CSMD1: variants seen among roughly 807,000 people sequenced by gnomAD.
CSMD1 encodes CUB and sushi domain-containing protein 1.
A neutral mutation model predicts 417.5 loss-of-function variants in CSMD1; 213 were observed. That is an observed-to-expected ratio of 0.51 (90% CI 0.46 to 0.57). CSMD1 has a LOEUF of 0.57. Ranked by LOEUF, CSMD1 falls within the 20% of genes least tolerant of loss-of-function variation. The probability of loss-of-function intolerance (pLI) is 0.00; values close to 1 mark genes in which losing one functional copy is unlikely to be tolerated. For missense variants in CSMD1, 6,923 were observed against 4,529.7 expected (o/e 1.53, Z -15.17); for synonymous variants, 2,862 against 1,736.8 (o/e 1.65, Z -16.11).
At chr8:3,757,839 G>C (rs539876018) in intron 5 of CSMD1, among the ~76,000 whole-genome samples, 27 of 138,964 alleles carry the variant, frequency 1.9e-4, no homozygotes, top group African/African-American at 7.2e-4. Context: ...AAAAGAGCGA[G>C]ACTTCATCTC....
At chr8:4,115,139 A>G (rs1349835270) in intron 3 of CSMD1, among the ~76,000 whole-genome samples, 1 of 152,330 alleles carries the variant, frequency 6.6e-6, no homozygotes, top group East Asian at 1.9e-4. Flanking sequence ...TAGATGAGGC[A>G]AAATATCAAT....
In CSMD1 at chr8:3,753,946, A is replaced by G; in HGVS notation, c.915T>C (p.Phe305=). ...TSDSNHRRKG[F]NAQFQVKKAI... ...CATCCTTACCTTGGAACTGAGCGTT[A>G]AATCCTTTGCGTCGGTGGTTGCTGT... is the stretch of plus-strand genomic sequence containing the variant. Residue 305 remains phenylalanine (F), a synonymous_variant, in exon 6 of 70, where the codon TTT becomes TTC. Coordinates refer to ENST00000635120, the MANE Select transcript of CSMD1 (RefSeq NM_033225.6). The G allele has an allele frequency of 6.2e-7, 1 of 1,611,220 alleles. No homozygotes were observed. The highest frequency in any genetic ancestry group is 1.3e-5 in the African/African-American group (1 of 74,886).
intron 2 of CSMD1, among the ~76,000 whole-genome samples, chr8:4,464,550 G>C (rs1169939049): frequency 1.3e-5 from 2 of 152,114 alleles, no homozygotes; most frequent in African/African-American, 4.8e-5. Flanking sequence ...AAAGTGAAAA[G>C]CAGAATGGTC....
chr8:4,331,225 G>A (rs774556489), intron 3 of CSMD1, among the ~76,000 whole-genome samples: 1 of 152,090 alleles, frequency 6.6e-6, no homozygotes, highest in Non-Finnish European at 1.5e-5. Context: ...CCTCCCAGGT[G>A]AGTCCCTGTG....
intron 5 of CSMD1, among the ~76,000 whole-genome samples, chr8:3,792,287 G>T (rs981743022): frequency 6.6e-6 from 1 of 151,654 alleles, no homozygotes; most frequent in African/African-American, 2.4e-5. Flanking sequence ...AGAGAGACCT[G>T]GTCTCAAAAA....
chr8:4,240,523 C>A (rs890963845), intron 3 of CSMD1, among the ~76,000 whole-genome samples: 1 of 152,262 alleles, frequency 6.6e-6, no homozygotes, highest in East Asian at 1.9e-4. Flanking sequence ...TGGAAACTAA[C>A]CTGATTGTGT....
At chr8:4,750,756 A>G (rs927312300) in intron 1 of CSMD1, among the ~76,000 whole-genome samples, 13 of 145,116 alleles carry the variant, frequency 9.0e-5, no homozygotes, top group African/African-American at 3.1e-4. Context: ...TTCCCAAGGA[A>G]AAAAAAAAAA....
At chr8:3,472,988 C>G (rs541298350) in intron 11 of CSMD1, among the ~76,000 whole-genome samples, 1 of 152,220 alleles carries the variant, frequency 6.6e-6, no homozygotes, top group African/African-American at 2.4e-5. Context: ...CACACCCACC[C>G]CACCAAAGTA....
chr8:2,949,794 G>C (rs559318563), intron 67 of CSMD1, among the ~76,000 whole-genome samples: 3 of 152,258 alleles, frequency 2.0e-5, no homozygotes, highest in South Asian at 4.1e-4. Flanking sequence ...TAGTAAATTA[G>C]AACACGAACA....
chr8:4,032,552 A>G (rs1797403485), intron 3 of CSMD1, among the ~76,000 whole-genome samples: 2 of 152,214 alleles, frequency 1.3e-5, no homozygotes. Flanking sequence ...CGACTGGTAC[A>G]GTGTCTGTTA....
rs3067534 is a variant in CSMD1 at position 4,328,242 on chromosome 8, A to ATT, written c.415+91709_415+91710dup. 3.3e-3 allele frequency among the ~76,000 whole-genome samples: 414 copies of ATT among 124,626 alleles called. 3 individuals carry two copies. The highest frequency in any genetic ancestry group is 4.9e-3 in the Non-Finnish European group (294 of 60,278). 81.8% of individuals were successfully genotyped at this position (124,626 alleles called of 152,430 possible). Reference sequence around the variant, plus strand: ...ACCCAATTACATTGCACTCAATACAATTTTTTTTTTTTTTTTTTTTTTTGA... The same window carrying ATT: ...ACCCAATTACATTGCACTCAATACAATTTTTTTTTTTTTTTTTTTTTTTTTGA... On this transcript the variant is annotated intron_variant, in intron 3 of 69. Coordinates refer to ENST00000635120, the MANE Select transcript of CSMD1 (RefSeq NM_033225.6).
intron 1 of CSMD1, among the ~76,000 whole-genome samples, chr8:4,814,802 CT>C (rs921939804): frequency 1.2e-4 from 18 of 152,058 alleles, no homozygotes; most frequent in African/African-American, 4.1e-4. Flanking sequence ...TTAATTTTAG[CT>C]TACTGTAATA....
chr8:4,707,886 C>CAAAAAAAAAAAAAAAAAAAAAAAAA (rs552510236), intron 1 of CSMD1, among the ~76,000 whole-genome samples: 16 of 100,846 alleles, frequency 1.6e-4, no homozygotes, highest in Non-Finnish European at 2.4e-4. Flanking sequence ...GACTTTGTTT[C>CAAAAAAAAAAAAAAAAAAAAAAAAA]AAAAAAAAAA....
intron 1 of CSMD1, among the ~76,000 whole-genome samples, chr8:4,947,065 A>AT (rs1352970214): frequency 6.6e-6 from 1 of 152,204 alleles, no homozygotes; most frequent in Non-Finnish European, 1.5e-5. Flanking sequence ...ATGCTACAGA[A>AT]TTTGTAATAG....
intron 23 of CSMD1, among the ~76,000 whole-genome samples, chr8:3,310,429 T>C (rs60451756): frequency 0.019 from 2,847 of 152,264 alleles, 92 homozygotes; most frequent in African/African-American, 0.064. Flanking sequence ...ACCAGCAAAC[T>C]AGAGGCAGAA....
At chr8:4,009,330 G>C (rs17330757) in intron 4 of CSMD1, among the ~76,000 whole-genome samples, 29,650 of 152,082 alleles carry the variant, frequency 0.19, 3,035 homozygotes, top group South Asian at 0.32. Context: ...AAACTTGCTG[G>C]AAATCTATCT....
At chr8:3,744,156 G>A (rs1349778787) in intron 6 of CSMD1, among the ~76,000 whole-genome samples, 1 of 152,202 alleles carries the variant, frequency 6.6e-6, no homozygotes, top group African/African-American at 2.4e-5. Context: ...CACTTTTCTG[G>A]ATTGACAAGG....
intron 3 of CSMD1, among the ~76,000 whole-genome samples, chr8:4,279,613 G>A (rs1010152032): frequency 1.3e-5 from 2 of 152,168 alleles, no homozygotes; most frequent in Non-Finnish European, 2.9e-5. Flanking sequence ...TCAATGAAAG[G>A]ATAAATGCTT....
At chr8:3,970,752 G>A (rs1563267986) in intron 5 of CSMD1, among the ~76,000 whole-genome samples, 1 of 151,846 alleles carries the variant, frequency 6.6e-6, no homozygotes, top group African/African-American at 2.4e-5. Context: ...CTTGTTTTTT[G>A]TTTTTTTGTT....
Sources: gnomAD v4.1 joint callset for allele counts (sites outside exome capture counted in the v4.1 genomes callset) on GRCh38, gnomAD v4.1.1 for gene constraint, MANE v1.5 for transcripts, NCBI Gene and HGNC (gene_info 2026-07-23, HGNC 2026-07-21) for gene names.